The following PTPRD variants were observed in gnomAD, a reference collection of about 807,000 sequenced individuals.
PTPRD encodes receptor-type tyrosine-protein phosphatase delta.
Under a neutral mutation model 214.5 loss-of-function variants are expected in PTPRD, and 34 were observed. The ratio of observed to expected loss-of-function variants is 0.16; its 90% confidence interval spans 0.12 to 0.21. PTPRD has a LOEUF of 0.21. Among genes scored for constraint, PTPRD ranks in the 10% least tolerant of loss-of-function variants. PTPRD has a pLI of 1.00. For missense variants in PTPRD, 2,545 were observed against 2,398.7 expected (o/e 1.06, Z -1.27); for synonymous variants, 1,128 against 845.7 (o/e 1.33, Z -5.79).
intron 12 of PTPRD, among the ~76,000 whole-genome samples, chr9:8,712,663 G>C (rs938013258): frequency 2.1e-5 from 3 of 146,298 alleles, no homozygotes; most frequent in African/African-American, 7.5e-5. Flanking sequence ...ATATTCTACT[G>C]TATTCAGTCT....
chr9:8,444,132 G>C (rs943592824), intron 34 of PTPRD, among the ~76,000 whole-genome samples: 1 of 152,094 alleles, frequency 6.6e-6, no homozygotes, highest in African/African-American at 2.4e-5. Flanking sequence ...AGCAATGATG[G>C]TGTCAAAATA....
At chr9:10,136,329 G>C (rs1209454481) in intron 3 of PTPRD, among the ~76,000 whole-genome samples, 1 of 151,972 alleles carries the variant, frequency 6.6e-6, no homozygotes, top group Non-Finnish European at 1.5e-5. Context: ...AGATCATCAA[G>C]GCAGAAAACT....
At chr9:9,150,107 C>T (rs1469305828) in intron 10 of PTPRD, among the ~76,000 whole-genome samples, 2 of 152,158 alleles carry the variant, frequency 1.3e-5, no homozygotes, top group Non-Finnish European at 2.9e-5. Flanking sequence ...CAGAAAGCTG[C>T]CTTGTTTTTT....
intron 4 of PTPRD, among the ~76,000 whole-genome samples, chr9:9,960,696 G>C (rs115209972): frequency 0.012 from 1,803 of 152,098 alleles, 35 homozygotes; most frequent in Middle Eastern, 0.038. Flanking sequence ...CAAAATAGTT[G>C]AGCAATACTC....
chr9:10,215,317 A>T (rs1188179857), intron 3 of PTPRD, among the ~76,000 whole-genome samples: 1 of 152,052 alleles, frequency 6.6e-6, no homozygotes, highest in East Asian at 1.9e-4. Flanking sequence ...TAAAGAATAT[A>T]ATTAAATGAT....
chr9:9,338,958 G>C lies in PTPRD; in HGVS notation c.-203+58491C>G, dbSNP rs547905863. Among the ~76,000 whole-genome samples, 147 of 152,158 alleles carry C rather than the reference G, an allele frequency of 9.7e-4. 1 individual carries two copies. The highest frequency in any genetic ancestry group is 3.4e-3 in the African/African-American group (142 of 41,516). Reference sequence around the variant, plus strand: ...AAGAGTGGCCAAAAATGTTACATGAGAAAAATCGCAAGATTCCTGCTACTT... The same window carrying C: ...AAGAGTGGCCAAAAATGTTACATGACAAAAATCGCAAGATTCCTGCTACTT... On this transcript the variant is annotated intron_variant, in intron 9 of 45. Coordinates refer to ENST00000381196, the MANE Select transcript of PTPRD (RefSeq NM_002839.4).
intron 5 of PTPRD, among the ~76,000 whole-genome samples, chr9:9,881,444 G>C (rs1429224879): frequency 6.6e-6 from 1 of 152,090 alleles, no homozygotes; most frequent in Non-Finnish European, 1.5e-5. Flanking sequence ...ACTTGGGTTT[G>C]AGTCTAAGTT....
chr9:9,819,823 AT>A (rs1047377753), intron 5 of PTPRD, among the ~76,000 whole-genome samples: 76 of 151,602 alleles, frequency 5.0e-4, no homozygotes, highest in South Asian at 4.6e-3. Flanking sequence ...AAAGGACACA[AT>A]TTTTTTTTCT....
chr9:9,503,143 T>C (rs2096472166), intron 8 of PTPRD, among the ~76,000 whole-genome samples: 1 of 151,862 alleles, frequency 6.6e-6, no homozygotes, highest in African/African-American at 2.4e-5. Flanking sequence ...GGTAGTTGTT[T>C]TAAATGTATC....
chr9:10,456,567 G>A (rs552931198), intron 2 of PTPRD, among the ~76,000 whole-genome samples: 4 of 151,794 alleles, frequency 2.6e-5, no homozygotes, highest in South Asian at 2.1e-4. Flanking sequence ...TGGATCAGTC[G>A]TCAAATAGAT....
At chr9:9,867,815 T>G (rs1320327581) in intron 5 of PTPRD, among the ~76,000 whole-genome samples, 1 of 152,126 alleles carries the variant, frequency 6.6e-6, no homozygotes, top group Non-Finnish European at 1.5e-5. Context: ...TATAAAAGCA[T>G]GGCAACCAGT....
At chr9:8,791,492 C>T (rs918123729) in intron 11 of PTPRD, among the ~76,000 whole-genome samples, 4 of 144,966 alleles carry the variant, frequency 2.8e-5, no homozygotes, top group Non-Finnish European at 3.0e-5. Flanking sequence ...CCAAAGTGCT[C>T]GGATTACAGG....
At chr9:9,067,758 T>G (rs566885286) in intron 10 of PTPRD, among the ~76,000 whole-genome samples, 1 of 152,248 alleles carries the variant, frequency 6.6e-6, no homozygotes, top group Non-Finnish European at 1.5e-5. Flanking sequence ...TGTAACACAA[T>G]CTCAGAACCA....
intron 10 of PTPRD, among the ~76,000 whole-genome samples, chr9:9,162,987 G>T (rs1473437273): frequency 2.0e-5 from 3 of 152,002 alleles, no homozygotes; most frequent in Non-Finnish European, 4.4e-5. Flanking sequence ...ACCTCCTGGG[G>T]TACAACTCTC....
At chr9:9,465,199 A>T (rs575747783) in intron 8 of PTPRD, among the ~76,000 whole-genome samples, 1 of 152,232 alleles carries the variant, frequency 6.6e-6, no homozygotes, top group Non-Finnish European at 1.5e-5. Flanking sequence ...CCAGGTAATC[A>T]TCAATATAAC....
At chr9:8,932,929 T>C (rs7036851) in intron 11 of PTPRD, among the ~76,000 whole-genome samples, 20,543 of 152,062 alleles carry the variant, frequency 0.14, 1,942 homozygotes, top group East Asian at 0.44. Context: ...GAAAAACTCC[T>C]GCAGCTAGCT....
intron 37 of PTPRD, 76 bp downstream of exon 37, chr9:8,389,156 G>A (rs2135619985): frequency 1.5e-6 from 2 of 1,320,208 alleles, no homozygotes; most frequent in Non-Finnish European, 1.0e-6. Context: ...GTTAGATTCT[G>A]AACAGAATAA....
intron 5 of PTPRD, among the ~76,000 whole-genome samples, chr9:9,787,422 A>C (rs939282250): frequency 1.7e-5 from 2 of 118,004 alleles, no homozygotes; most frequent in Non-Finnish European, 2.0e-5. Flanking sequence ...CAACTATGTA[A>C]AAAAAAAAAA....
chr9:9,810,823 T>A (rs570270934), intron 5 of PTPRD, among the ~76,000 whole-genome samples: 6 of 151,834 alleles, frequency 4.0e-5, no homozygotes, highest in Admixed American at 2.6e-4. Context: ...CTGCCATAGA[T>A]AGTGACTCTT....
Sources: gnomAD v4.1 joint callset for allele counts (sites outside exome capture counted in the v4.1 genomes callset) on GRCh38, gnomAD v4.1.1 for gene constraint, MANE v1.5 for transcripts, NCBI Gene and HGNC (gene_info 2026-07-23, HGNC 2026-07-21) for gene names.